The following UCHL3 variants were observed in gnomAD, a reference collection of about 807,000 sequenced individuals.
The protein encoded by UCHL3 is ubiquitin carboxyl-terminal hydrolase isozyme L3.
A neutral mutation model predicts 35.8 loss-of-function variants in UCHL3; 22 were observed. That is an observed-to-expected ratio of 0.61 (90% CI 0.44 to 0.88). The LOEUF (loss-of-function observed/expected upper bound fraction) is 0.88, where lower values mean the gene tolerates loss of function less well. Among genes scored for constraint, UCHL3 ranks in the 40% least tolerant of loss-of-function variants. UCHL3 has a pLI of 0.00. For missense variants in UCHL3, 229 were observed against 276.9 expected (o/e 0.83, Z 1.23); for synonymous variants, 90 against 92.8 (o/e 0.97, Z 0.17).
intron 6 of UCHL3, among the ~76,000 whole-genome samples, chr13:75,582,342 C>T (rs1447937232): frequency 6.6e-6 from 1 of 152,122 alleles, no homozygotes; most frequent in Non-Finnish European, 1.5e-5. Context: ...TTCTGAAAAG[C>T]CTAGTCTAGG....
At chr13:75,598,278 C>T (rs4885323) in intron 7 of UCHL3, among the ~76,000 whole-genome samples, 117,364 of 152,156 alleles carry the variant, frequency 0.77, 46,023 homozygotes, top group Middle Eastern at 0.88. Context: ...GACATGATGC[C>T]CCATTATCTT....
At chr13:75,563,283 C>T (rs1031995889) in intron 3 of UCHL3, among the ~76,000 whole-genome samples, 2 of 152,184 alleles carry the variant, frequency 1.3e-5, no homozygotes, top group Non-Finnish European at 2.9e-5. Flanking sequence ...ACAAGTGATT[C>T]TTCTGCCTCA....
intron 6 of UCHL3, among the ~76,000 whole-genome samples, chr13:75,591,762 T>C (rs904047345): frequency 4.6e-5 from 7 of 152,186 alleles, no homozygotes; most frequent in Admixed American, 1.3e-4. Flanking sequence ...TTCTCAAGAG[T>C]AAGATGGGTA....
intron 7 of UCHL3, among the ~76,000 whole-genome samples, chr13:75,600,553 G>A (rs1005535487): frequency 5.3e-5 from 8 of 152,144 alleles, no homozygotes; most frequent in Non-Finnish European, 7.4e-5. Flanking sequence ...CAACAGAGCC[G>A]GGATGATAGT....
chr13:75,579,259 G>A (rs2032111681), intron 6 of UCHL3, among the ~76,000 whole-genome samples: 1 of 152,036 alleles, frequency 6.6e-6, no homozygotes, highest in Non-Finnish European at 1.5e-5. Context: ...GAATCAGGCG[G>A]AAACAATACA....
In UCHL3 at chr13:75,592,439, T is replaced by C. The variant is rs1183788270; in HGVS notation, c.475-2476T>C. ...TCATATATATATATATATATATATA[T>C]ATATATATATATATATATATATATA... On this transcript the variant is annotated intron_variant, in intron 6 of 8. Transcript: ENST00000377595. 3.7e-4 allele frequency among the ~76,000 whole-genome samples: 38 copies of C among 102,736 alleles called. 1 individual carries two copies. The highest frequency in any genetic ancestry group is 7.7e-4 in the African/African-American group (21 of 27,382). The allele number at this position is 102,736 out of a possible 152,430, so 67.4% of individuals were successfully genotyped here. A position where few individuals can be genotyped will look rare whatever the true frequency, so the allele number is the denominator to read the frequency against.
intron 6 of UCHL3, among the ~76,000 whole-genome samples, chr13:75,586,264 T>G (rs4885320): frequency 6.6e-6 from 1 of 152,044 alleles, no homozygotes; most frequent in African/African-American, 2.4e-5. Context: ...ATTCCCAGTG[T>G]TGAAGAAGGA....
At chr13:75,559,609 C>T (rs879521863) in intron 2 of UCHL3, among the ~76,000 whole-genome samples, 2 of 152,148 alleles carry the variant, frequency 1.3e-5, no homozygotes, top group African/African-American at 2.4e-5. Context: ...TGTTTATATA[C>T]GTGTCATGGC....
chr13:75,585,793 G>A (rs1168050119), intron 6 of UCHL3, among the ~76,000 whole-genome samples: 1 of 152,032 alleles, frequency 6.6e-6, no homozygotes, highest in Non-Finnish European at 1.5e-5. Flanking sequence ...TACTACATAT[G>A]TAGTGGTGTA....
intron 6 of UCHL3, among the ~76,000 whole-genome samples, chr13:75,577,764 T>C (rs145090403): frequency 0.019 from 2,853 of 152,326 alleles, 42 homozygotes; most frequent in Middle Eastern, 0.095. Context: ...GCAAGTCAAA[T>C]GTGAAGCCAA....
intron 7 of UCHL3, among the ~76,000 whole-genome samples, chr13:75,595,473 T>A (rs1384134229): frequency 6.6e-6 from 1 of 151,776 alleles, no homozygotes; most frequent in African/African-American, 2.4e-5. Flanking sequence ...GGCACATGCC[T>A]GTAATCCCAG....
At chr13:75,588,408 C>G (rs2032387277) in intron 6 of UCHL3, among the ~76,000 whole-genome samples, 1 of 151,982 alleles carries the variant, frequency 6.6e-6, no homozygotes, top group South Asian at 2.1e-4. Context: ...CTTTCCTTCT[C>G]TCTTTCCTGT....
chr13:75,574,670 A>G (rs548978556), intron 6 of UCHL3, among the ~76,000 whole-genome samples: 1 of 152,230 alleles, frequency 6.6e-6, no homozygotes, highest in African/African-American at 2.4e-5. Flanking sequence ...GGCATTCAAT[A>G]AATATTAGGC....
At chr13:75,574,166 C>T (rs1223740046) in intron 6 of UCHL3, among the ~76,000 whole-genome samples, 4 of 151,562 alleles carry the variant, frequency 2.6e-5, no homozygotes, top group East Asian at 3.9e-4. Flanking sequence ...TGCAGTGAGC[C>T]GAGATTGTGC....
intron 2 of UCHL3, among the ~76,000 whole-genome samples, chr13:75,552,029 G>A (rs566829777): frequency 8.4e-6 from 1 of 119,094 alleles, no homozygotes; most frequent in Admixed American, 8.3e-5. Context: ...TGTAATACAT[G>A]GAATAGTGAC....
chr13:75,573,449 C>G (rs535672492), intron 6 of UCHL3, among the ~76,000 whole-genome samples: 5 of 152,202 alleles, frequency 3.3e-5, no homozygotes, highest in Middle Eastern at 3.4e-3. Flanking sequence ...TTACCAGGTG[C>G]CTTTAACAAC....
chr13:75,581,001 A>G (rs2138530780), intron 6 of UCHL3, among the ~76,000 whole-genome samples: 1 of 152,318 alleles, frequency 6.6e-6, no homozygotes, highest in East Asian at 1.9e-4. Context: ...TGTGCCGAAT[A>G]CTTTGTTCTT....
intron 6 of UCHL3, among the ~76,000 whole-genome samples, chr13:75,589,129 A>G (rs1487873840): frequency 1.3e-5 from 2 of 152,122 alleles, no homozygotes; most frequent in African/African-American, 4.8e-5. Flanking sequence ...GATTAAGATC[A>G]TTGGACTCTA....
chr13:75,595,037 A>G, intron 7 of UCHL3, 47 bp downstream of exon 7: 1 of 1,393,776 alleles, frequency 7.2e-7, no homozygotes, highest in East Asian at 2.4e-5. Context: ...GGTAAATGGG[A>G]AAGTCTCTAC....
Sources: allele counts gnomAD v4.1 joint callset (sites outside exome capture counted in the v4.1 genomes callset), GRCh38; gene constraint gnomAD v4.1.1; transcripts MANE v1.5; gene names NCBI Gene and HGNC (gene_info 2026-07-23, HGNC 2026-07-21).